The following SPATA17 variants were observed in gnomAD, a reference collection of about 807,000 sequenced individuals.
SPATA17 encodes the protein spermatogenesis associated 17, also known as spermatogenesis-associated protein 17.
In SPATA17, 53 loss-of-function variants were observed where a neutral mutation model predicts 62.2. That is an observed-to-expected ratio of 0.85 (90% confidence interval 0.68 to 1.07). The LOEUF (loss-of-function observed/expected upper bound fraction) is 1.07. SPATA17 is among the 50% of genes least tolerant of loss of function. SPATA17 has a pLI of 0.00. For missense variants in SPATA17, 466 were observed against 425.5 expected (o/e 1.10, Z -0.84); for synonymous variants, 146 against 146.8 (o/e 0.99, Z 0.04).
At chr1:217,865,082 GGCA>G (rs1387452489) in intron 10 of SPATA17, among the ~76,000 whole-genome samples, 2 of 151,962 alleles carry the variant, frequency 1.3e-5, no homozygotes, top group Non-Finnish European at 2.9e-5. Flanking sequence ...GTAAGTGAAG[GGCA>G]GCAGCCTTAG....
Position 217,742,097 on chromosome 1 carries a change from A to G in SPATA17, c.518A>G (p.Gln173Arg), listed in dbSNP as rs1414527604. The G allele has an allele frequency of 6.2e-7, 1 of 1,613,960 alleles. No individual in the cohort carries two copies. The highest frequency in any genetic ancestry group is 8.5e-7 in the Non-Finnish European group (1 of 1,179,884). The change falls in exon 6 of 11, where the codon CAG becomes CGG. Residue 173 changes from glutamine (Q) to arginine (R), a missense_variant and splice_region_variant. Transcript: ENST00000366933. The stretch of plus-strand genomic sequence containing the variant: ...ATGCATTACCTCCTCAGCACAAAGC[A>G]GGTTGGTTTACCTGTCCCTGACAGC... ...RKMHYLLSTK[Q>R]IPGIYNSPFR...
Position 217,654,995 on chromosome 1 carries a change from C to A in SPATA17, c.240+3817C>A, listed in dbSNP as rs545960008. Among the ~76,000 whole-genome samples, 6 of 152,260 alleles carry A rather than the reference C, an allele frequency of 3.9e-5. No individual in the cohort carries two copies. The East Asian group carries it at 1.2e-3, about 29-fold the overall frequency. On this transcript the variant is annotated intron_variant, in intron 3 of 10. Transcript: ENST00000366933. ...AAAGTGCTGGGATTATAGGCGTGAGCCACCGCACCCAGCCCTACATAATCT... is the reference window on the plus strand; with the variant it reads ...AAAGTGCTGGGATTATAGGCGTGAGACACCGCACCCAGCCCTACATAATCT...
chr1:217,755,742 A>G (rs1439966401), intron 6 of SPATA17, among the ~76,000 whole-genome samples: 1 of 152,016 alleles, frequency 6.6e-6, no homozygotes, highest in African/African-American at 2.4e-5. Context: ...TTTATAATAC[A>G]TAATTAAATA....
chr1:217,650,671 G>A lies in SPATA17; in HGVS notation c.159-426G>A, dbSNP rs146107014. Among the ~76,000 whole-genome samples the A allele has an allele frequency of 5.9e-3, 905 of 152,214 alleles. 3 individuals carry two copies. Among genetic ancestry groups the A allele is most frequent in the Middle Eastern group, 0.01 (3 of 294 alleles). On this transcript the variant is annotated intron_variant, in intron 2 of 10. Transcript: ENST00000366933. The stretch of plus-strand genomic sequence containing the variant: ...ACTCCTAAGCTCAGGTGATCCAACC[G>A]CCTTGGCCTCCCAAAGTGCTGGGAT...
intron 7 of SPATA17, 127 bp from the exon 8 acceptor site, chr1:217,782,047 A>G: frequency 2.3e-5 from 20 of 880,528 alleles, no homozygotes; most frequent in Non-Finnish European, 3.2e-5. Flanking sequence ...TCAGCGAAGA[A>G]CAAATGGTGT....
intron 9 of SPATA17, among the ~76,000 whole-genome samples, chr1:217,809,273 G>A (rs763611246): frequency 7.9e-5 from 12 of 152,056 alleles, no homozygotes; most frequent in Non-Finnish European, 1.6e-4. Flanking sequence ...AAGGCATAAA[G>A]AATGTATACA....
chr1:217,676,412 G>GTGCCTGTT (rs1670947634), intron 4 of SPATA17, among the ~76,000 whole-genome samples: 1 of 152,052 alleles, frequency 6.6e-6, no homozygotes, highest in South Asian at 2.1e-4. Flanking sequence ...TACCTCTACC[G>GTGCCTGTT]TGCCTGTTTT....
chr1:217,634,131 G>A (rs190112029), intron 1 of SPATA17, among the ~76,000 whole-genome samples: 1 of 152,334 alleles, frequency 6.6e-6, no homozygotes, highest in East Asian at 1.9e-4. Context: ...TGGACATAAG[G>A]TGAACAAAAG....
intron 4 of SPATA17, among the ~76,000 whole-genome samples, chr1:217,670,953 GA>G (rs71661748): frequency 3.4e-3 from 297 of 87,138 alleles, no homozygotes; most frequent in African/African-American, 6.5e-3. Context: ...TCCGTCTCAG[GA>G]AAAAAAAAAA....
rs1486318269 is a variant in SPATA17 at position 217,869,160 on chromosome 1, A to C, written c.*2141A>C. ...ATCAATAAATACATGGAAGATGTAC[A>C]TTGGTTCAGTCTGGAAAGGCAGGAT... On this transcript the variant is annotated 3_prime_UTR_variant, in exon 11 of 11. Coordinates refer to ENST00000366933, the MANE Select transcript of SPATA17 (RefSeq NM_138796.4). 3 of 152,362 alleles carry C rather than the reference A, an allele frequency of 2.0e-5. No individual in the cohort carries two copies. Among genetic ancestry groups the C allele is most frequent in the East Asian group, 1.9e-4 (1 of 5,194 alleles). 9.4% of individuals were successfully genotyped at this position (152,362 alleles called of 1,614,324 possible).
At chr1:217,727,178 C>T (rs1396717971) in intron 5 of SPATA17, among the ~76,000 whole-genome samples, 2 of 151,558 alleles carry the variant, frequency 1.3e-5, no homozygotes, top group African/African-American at 2.4e-5. Flanking sequence ...ACCCGGGAGG[C>T]GGAGGTTGCC....
rs1407816663 is a variant in SPATA17, at chr1:217,870,706, A to G, written c.*3687A>G. The G allele has an allele frequency of 2.6e-5, 4 of 152,162 alleles. No individual in the cohort carries two copies. The highest frequency in any genetic ancestry group is 5.9e-5 in the Non-Finnish European group (4 of 68,028). 9.4% of individuals were successfully genotyped at this position (152,162 alleles called of 1,614,324 possible). ...ACTAAGAGTACCACTGTGGATGTTT[A>G]AAAACATACACCCTAAGAGCCTTCA... On this transcript the variant is annotated 3_prime_UTR_variant, in exon 11 of 11. Coordinates refer to ENST00000366933, the MANE Select transcript of SPATA17 (RefSeq NM_138796.4).
intron 8 of SPATA17, among the ~76,000 whole-genome samples, chr1:217,789,851 A>G (rs1673957841): frequency 6.6e-6 from 1 of 152,074 alleles, no homozygotes; most frequent in South Asian, 2.1e-4. Context: ...CCAGGCCAAC[A>G]TAGTGAAAGC....
At chr1:217,672,870 C>T (rs1212638162) in intron 4 of SPATA17, among the ~76,000 whole-genome samples, 3 of 152,058 alleles carry the variant, frequency 2.0e-5, no homozygotes, top group African/African-American at 7.3e-5. Flanking sequence ...TCCACCCCAC[C>T]ACCCCCTGCT....
intron 6 of SPATA17, among the ~76,000 whole-genome samples, chr1:217,765,833 G>A (rs1042942176): frequency 6.6e-6 from 1 of 151,944 alleles, no homozygotes; most frequent in Non-Finnish European, 1.5e-5. Context: ...ATATTTTGAT[G>A]CTTTGTTGCT....
intron 5 of SPATA17, among the ~76,000 whole-genome samples, chr1:217,719,910 C>T (rs1427198633): frequency 6.6e-6 from 1 of 152,186 alleles, no homozygotes; most frequent in African/African-American, 2.4e-5. Flanking sequence ...AGCTAGTGGT[C>T]TGACCCTGAT....
At chr1:217,755,576 A>G (rs1008697573) in intron 6 of SPATA17, among the ~76,000 whole-genome samples, 1 of 152,042 alleles carries the variant, frequency 6.6e-6, no homozygotes. Context: ...CATTCCCTTA[A>G]TGACTTGAAT....
intron 5 of SPATA17, among the ~76,000 whole-genome samples, chr1:217,735,519 A>G (rs1672493355): frequency 6.6e-6 from 1 of 152,204 alleles, no homozygotes; most frequent in Non-Finnish European, 1.5e-5. Flanking sequence ...GAACTCGAAT[A>G]TTCAGCCTAT....
At chr1:217,852,733 T>C (rs1675694491) in intron 9 of SPATA17, among the ~76,000 whole-genome samples, 1 of 152,144 alleles carries the variant, frequency 6.6e-6, no homozygotes, top group African/African-American at 2.4e-5. Context: ...GTTTATAAGG[T>C]TTTGGTAACT....
Sources: gnomAD v4.1 joint callset for allele counts (sites outside exome capture counted in the v4.1 genomes callset) on GRCh38, gnomAD v4.1.1 for gene constraint, MANE v1.5 for transcripts, NCBI Gene and HGNC (gene_info 2026-07-23, HGNC 2026-07-21) for gene names.